Variants in TNNC2 observed in about 807,000 individuals in gnomAD.
TNNC2 encodes troponin C2, fast skeletal type, also known as troponin C, skeletal muscle.
In TNNC2, 14 loss-of-function variants were observed where a neutral mutation model predicts 20.0. That is an observed-to-expected ratio of 0.70 (90% CI 0.46 to 1.09). TNNC2 has a LOEUF of 1.09. TNNC2 is among the 50% of genes least tolerant of loss of function. TNNC2 has a pLI of 0.00. For synonymous variants in TNNC2, 81 were observed against 77.3 expected, an observed-to-expected ratio of 1.05 and a Z score of -0.25; for missense variants, 163 against 223.8, an observed-to-expected ratio of 0.73 and a Z score of 1.73.
intron 1 of TNNC2, among the ~76,000 whole-genome samples, chr20:45,825,165 T>G (rs541946417): frequency 4.2e-4 from 64 of 152,194 alleles, no homozygotes; most frequent in South Asian, 3.3e-3. Flanking sequence ...TTTGTAGAGA[T>G]GGGGTCCCAC....
chr20:45,829,575 C>G (rs1244277279), upstream of TNNC2, among the ~76,000 whole-genome samples: 1 of 151,532 alleles, frequency 6.6e-6, no homozygotes, highest in African/African-American at 2.4e-5. Context: ...GTCAGGAGAT[C>G]GAGACCATCC....
At position 45,823,965 on chromosome 20, in the gene TNNC2, C is replaced by T; in HGVS notation, c.451+26G>A. 4 of 1,613,676 alleles carry T rather than the reference C, an allele frequency of 2.5e-6. No homozygotes were observed. Among genetic ancestry groups the T allele is most frequent in the Admixed American group, 1.7e-5 (1 of 60,024 alleles). ...CCGTCCTCTGGGGCTCCCACCCGCT[C>T]TTCCCAAGCTCCCGTTGGCCCTCAC... On this transcript the variant is annotated intron_variant, in intron 5 of 5. Coordinates refer to ENST00000372555, the MANE Select transcript of TNNC2 (RefSeq NM_003279.3). The surrounding 1 kb of genome is among the most constrained non-coding windows in gnomAD (Gnocchi z 4.6).
At chr20:45,828,161 G>A (rs545549519), upstream of TNNC2, among the ~76,000 whole-genome samples, 65 of 150,902 alleles carry the variant, frequency 4.3e-4, no homozygotes, top group Non-Finnish European at 4.6e-4. Flanking sequence ...TCAGCCTCCC[G>A]AGTAGCTGGG....
At chr20:45,824,218 G>T in intron 4 of TNNC2, 74 bp downstream of exon 4, 2 of 1,599,762 alleles carry the variant, frequency 1.3e-6, no homozygotes, top group Non-Finnish European at 8.5e-7. Context: ...CTCCCAACAC[G>T]GGGAAGCTTC....
At chr20:45,830,495 G>A (rs547542485), upstream of TNNC2, among the ~76,000 whole-genome samples, 32 of 151,652 alleles carry the variant, frequency 2.1e-4, no homozygotes, top group Admixed American at 7.9e-4. Flanking sequence ...TCACTTCCTC[G>A]GGGATCCTTC....
chr20:45,828,470 C>A (rs1056830728), upstream of TNNC2, among the ~76,000 whole-genome samples: 23 of 152,144 alleles, frequency 1.5e-4, no homozygotes, highest in Admixed American at 1.2e-3. Context: ...GAGAAATAAT[C>A]ATTGAAAGCA....
intron 2 of TNNC2, among the ~76,000 whole-genome samples, chr20:45,832,491 G>A (rs1280600734): frequency 6.6e-6 from 1 of 152,154 alleles, no homozygotes; most frequent in Non-Finnish European, 1.5e-5. Context: ...AGGGAGAGAT[G>A]TGACAGTAAA....
upstream of TNNC2, among the ~76,000 whole-genome samples, chr20:45,830,103 G>A (rs560310385): frequency 1.3e-5 from 2 of 151,658 alleles, no homozygotes; most frequent in Non-Finnish European, 2.9e-5. Context: ...GGGAGGTGCA[G>A]GCTGGCAGAT....
chr20:45,828,271 C>CA (rs1158527515), upstream of TNNC2, among the ~76,000 whole-genome samples: 1 of 150,574 alleles, frequency 6.6e-6, no homozygotes, highest in Non-Finnish European at 1.5e-5. Context: ...CTCCTAGGCT[C>CA]AGGGGATCCT....
chr20:45,823,564 A>G lies in TNNC2; in HGVS notation c.452-185T>C, dbSNP rs1373332102. Among the ~76,000 whole-genome samples, 3 of 152,058 alleles carry G rather than the reference A, an allele frequency of 2.0e-5. No individual in the cohort carries two copies. Among genetic ancestry groups the G allele is most frequent in the Non-Finnish European group, 2.9e-5 (2 of 67,990 alleles). On this transcript the variant is annotated intron_variant, in intron 5 of 5. Transcript: ENST00000372555. This position sits in a 1 kb window ranked among gnomAD's most constrained non-coding sequence, Gnocchi z 4.6. ...GAGTGCAGTGGCACAATCATAACTCATTGCAGCCTTGATCTCCTAGGCTCA... is the reference window on the plus strand; with the variant it reads ...GAGTGCAGTGGCACAATCATAACTCGTTGCAGCCTTGATCTCCTAGGCTCA...
At position 45,824,324 on chromosome 20, in the gene TNNC2, C is replaced by G; in HGVS notation, c.282G>C (p.Glu94Asp). ...AGATGCGGAAGCACTCGGCCAGCTCCTCCTCGCTCTTCCCTTTCGCGTCCT... is the reference window on the plus strand; with the variant it reads ...AGATGCGGAAGCACTCGGCCAGCTCGTCCTCGCTCTTCCCTTTCGCGTCCT... ...MKEDAKGKSEEELAECFRIFD... is the reference protein window; with the variant it reads ...MKEDAKGKSEDELAECFRIFD... Residue 94 changes from glutamate to aspartate, a missense_variant, in exon 4 of 6, where the codon GAG becomes GAC. By Grantham distance (45) the Glu-to-Asp change is conservative. Transcript: ENST00000372555. The G allele has an allele frequency of 6.2e-7, 1 of 1,611,216 alleles. No individual in the cohort carries two copies. Among genetic ancestry groups the G allele is most frequent in the Non-Finnish European group, 8.5e-7 (1 of 1,179,984 alleles).
At chr20:45,831,556 G>C (rs1983106975), upstream of TNNC2, among the ~76,000 whole-genome samples, 2 of 152,076 alleles carry the variant, frequency 1.3e-5, no homozygotes, top group South Asian at 4.1e-4. Context: ...AGTGAGCCAA[G>C]AGTGTGCCAT....
At chr20:45,828,910 C>T (rs948103592), upstream of TNNC2, among the ~76,000 whole-genome samples, 1 of 152,164 alleles carries the variant, frequency 6.6e-6, no homozygotes, top group Admixed American at 6.6e-5. Context: ...AGGCCTCCCC[C>T]AGGCAGGCAG....
upstream of TNNC2, among the ~76,000 whole-genome samples, chr20:45,829,498 G>A (rs149700217): frequency 5.3e-5 from 8 of 151,654 alleles, no homozygotes; most frequent in African/African-American, 1.7e-4. Flanking sequence ...AGGTTTCATC[G>A]ACCGGGCACG....
chr20:45,824,261 C>G (rs369855671), intron 4 of TNNC2, 31 bp downstream of exon 4: 4 of 1,606,750 alleles, frequency 2.5e-6, no homozygotes, highest in Non-Finnish European at 1.7e-6. Context: ...ACTGCTAAGC[C>G]CCTCCCTCGG....
chr20:45,827,904 G>A (rs1316916874), upstream of TNNC2, among the ~76,000 whole-genome samples: 3 of 152,338 alleles, frequency 2.0e-5, no homozygotes, highest in Non-Finnish European at 2.9e-5. Flanking sequence ...GCAGGGGATA[G>A]GAGGAGAAAG....
Position 45,824,477 on chromosome 20 carries a change from C to A in TNNC2, c.199+18G>T, listed in dbSNP as rs1267792677. ...GCCTCTCCCCACCATCCCCTGCCTCCGAGGGACACCCGCTCACCGTCCTCA... is the reference window on the plus strand; with the variant it reads ...GCCTCTCCCCACCATCCCCTGCCTCAGAGGGACACCCGCTCACCGTCCTCA... On this transcript the variant is annotated intron_variant, in intron 3 of 5. Transcript: ENST00000372555. The A allele has an allele frequency of 6.8e-6, 11 of 1,613,076 alleles. No homozygotes were observed. The highest frequency in any genetic ancestry group is 2.7e-5 in the African/African-American group (2 of 74,906).
At chr20:45,829,385 A>G (rs1445686531), upstream of TNNC2, among the ~76,000 whole-genome samples, 1 of 151,990 alleles carries the variant, frequency 6.6e-6, no homozygotes, top group Non-Finnish European at 1.5e-5. Context: ...GCTGGTCTCA[A>G]ACTCCCAACC....
chr20:45,823,897 A>G lies in TNNC2; in HGVS notation c.451+94T>C. ...GGTGAAGTTACGCCCAGCCCAGCCC[A>G]CAAGGCCAAGGACACTGCACCGGAG... On this transcript the variant is annotated intron_variant, in intron 5 of 5. Coordinates refer to ENST00000372555, the MANE Select transcript of TNNC2 (RefSeq NM_003279.3). The surrounding 1 kb of genome is among the most constrained non-coding windows in gnomAD (Gnocchi z 4.6). The G allele has an allele frequency of 6.3e-7, 1 of 1,578,472 alleles. No individual in the cohort carries two copies. The highest frequency in any genetic ancestry group is 1.2e-5 in the South Asian group (1 of 86,490).
Sources: allele counts gnomAD v4.1 joint callset (sites outside exome capture counted in the v4.1 genomes callset), GRCh38; gene constraint gnomAD v4.1.1; non-coding constraint Gnocchi (gnomAD v3.1); transcripts MANE v1.5; gene names NCBI Gene and HGNC (gene_info 2026-07-23, HGNC 2026-07-21).